CNTNAP3: variants seen among roughly 807,000 people sequenced by gnomAD.
The protein encoded by CNTNAP3 is contactin associated protein family member 3.
In CNTNAP3, 36 loss-of-function variants were observed where a neutral mutation model predicts 92.1. That is an observed-to-expected ratio of 0.39 (90% CI 0.30 to 0.52). The LOEUF is 0.52. CNTNAP3 is among the 20% of genes least tolerant of loss of function. The pLI is 0.76. For missense variants in CNTNAP3, 534 were observed against 1,069.6 expected (o/e 0.50, Z 6.98); for synonymous variants, 232 against 422.3 (o/e 0.55, Z 5.53).
chr9:39,115,002 T>C (rs1319994628), intron 14 of CNTNAP3, among the ~76,000 whole-genome samples: 1 of 151,174 alleles, frequency 6.6e-6, no homozygotes, highest in East Asian at 1.9e-4. Flanking sequence ...ATCATTATAG[T>C]GCCTTTTAAA....
In CNTNAP3 at chr9:39,086,807, G is replaced by A; in HGVS notation, c.3263C>T (p.Pro1088Leu). 3.7e-6 allele frequency: 6 copies of A among 1,610,100 alleles called. No homozygotes were observed. The highest frequency in any genetic ancestry group is 5.1e-6 in the Non-Finnish European group (6 of 1,179,246). ...TTTAAAATCAAAGGTAAATGCATCAGGATTTTGATGTCTATCTAGCTTGTA... is the reference window on the plus strand; with the variant it reads ...TTTAAAATCAAAGGTAAATGCATCAAGATTTTGATGTCTATCTAGCTTGTA... ...IRYKLDRHQN[P>L]DAFTFDFKNM... The change falls in exon 20 of 24, where the codon CCT becomes CTT. Residue 1088 changes from proline (P) to leucine (L), a missense_variant. By Grantham distance (98) the Pro-to-Leu change is moderately conservative (BLOSUM62 -3). Coordinates refer to ENST00000297668, the MANE Select transcript of CNTNAP3 (RefSeq NM_033655.5).
intron 11 of CNTNAP3, among the ~76,000 whole-genome samples, chr9:39,142,990 G>A (rs1398544976): frequency 6.6e-6 from 1 of 151,960 alleles, no homozygotes; most frequent in Non-Finnish European, 1.5e-5. Context: ...CTGTTTCCTT[G>A]AAGACCCAGG....
intron 13 of CNTNAP3, among the ~76,000 whole-genome samples, chr9:39,123,091 A>AT (rs773238134): frequency 0.046 from 5,984 of 129,772 alleles, 384 homozygotes; most frequent in African/African-American, 0.13. Flanking sequence ...TTGGACAATA[A>AT]TTTTTTTTTT....
intron 14 of CNTNAP3, among the ~76,000 whole-genome samples, chr9:39,116,394 T>A (rs935294559): frequency 2.6e-5 from 4 of 151,652 alleles, no homozygotes; most frequent in African/African-American, 7.3e-5. Context: ...TCTAGGATTG[T>A]TAAAGATGTC....
chr9:39,079,229 T>C (rs1324192602), intron 21 of CNTNAP3, among the ~76,000 whole-genome samples: 2 of 152,116 alleles, frequency 1.3e-5, no homozygotes, highest in Non-Finnish European at 2.9e-5. Context: ...TCCTCTGCCA[T>C]TTAATTTTTA....
intron 18 of CNTNAP3, among the ~76,000 whole-genome samples, chr9:39,096,964 T>C (rs2118462983): frequency 6.6e-6 from 1 of 151,836 alleles, no homozygotes; most frequent in South Asian, 2.1e-4. Flanking sequence ...TATTTTTTTC[T>C]GATCCTTTCT....
intron 18 of CNTNAP3, among the ~76,000 whole-genome samples, chr9:39,090,758 T>G (rs1208789261): frequency 6.6e-6 from 1 of 152,040 alleles, no homozygotes; most frequent in Non-Finnish European, 1.5e-5. Flanking sequence ...TGATTGAAAC[T>G]GTACTGAATC....
In CNTNAP3 at chr9:39,066,480, A is replaced by AT. The variant is rs1825512360; in HGVS notation, c.*7409dup. On this transcript the variant is annotated 3_prime_UTR_variant, in exon 24 of 24. Coordinates refer to ENST00000297668, the MANE Select transcript of CNTNAP3 (RefSeq NM_033655.5). ...GATCCATGTTTCTATCTGCACAAAG[A>AT]TATTATTCTTTATTTTCCTTCTTCC... is the stretch of plus-strand genomic sequence containing the variant. Among the ~76,000 whole-genome samples, 1 of 152,192 alleles carries AT rather than the reference A, an allele frequency of 6.6e-6. No individual in the cohort carries two copies. The highest frequency in any genetic ancestry group is 6.5e-5 in the Admixed American group (1 of 15,272).
chr9:39,087,481 AT>A lies in CNTNAP3; in HGVS notation c.3221-633del, dbSNP rs201409748. Among the ~76,000 whole-genome samples, 388 of 111,258 alleles carry A rather than the reference AT, an allele frequency of 3.5e-3. 2 individuals carry two copies. Among genetic ancestry groups the A allele is most frequent in the Non-Finnish European group, 4.4e-3 (225 of 51,398 alleles). The allele number at this position is 111,258 out of a possible 152,430, so 73.0% of individuals were successfully genotyped here. ...TATACTAAGATCCTGTTAATCGGAG[AT>A]TTTTTTTTTTGTTTGTTTGTTTGAG... On this transcript the variant is annotated intron_variant, in intron 19 of 23. Transcript: ENST00000297668.
rs1368818101 is a variant in CNTNAP3, at chr9:39,085,291, G to C, written c.3442+445C>G. ...AAACAACAGGCAAAGCAGGGCTTGAGAGAAAAATAAAACTGTATTCATCTG... is the reference window on the plus strand; with the variant it reads ...AAACAACAGGCAAAGCAGGGCTTGACAGAAAAATAAAACTGTATTCATCTG... On this transcript the variant is annotated intron_variant, in intron 21 of 23. Transcript: ENST00000297668. 1.8e-5 allele frequency: 3 copies of C among 164,264 alleles called. 1 individual carries two copies. The highest frequency in any genetic ancestry group is 3.8e-5 in the Non-Finnish European group (3 of 78,586). The allele number at this position is 164,264 out of a possible 1,614,324, so 10.2% of individuals were successfully genotyped here. A position where few individuals can be genotyped will look rare whatever the true frequency, so the allele number is the denominator to read the frequency against.
At chr9:39,077,959 A>G (rs1825822624) in intron 23 of CNTNAP3, among the ~76,000 whole-genome samples, 1 of 152,158 alleles carries the variant, frequency 6.6e-6, no homozygotes, top group Non-Finnish European at 1.5e-5. Flanking sequence ...TGATCTCAGC[A>G]CTTTGGGAGG....
chr9:39,071,341 G>C lies in CNTNAP3; in HGVS notation c.*2549C>G, dbSNP rs1825632315. Among the ~76,000 whole-genome samples the C allele has an allele frequency of 6.6e-6, 1 of 151,482 alleles. No individual in the cohort carries two copies. The highest frequency in any genetic ancestry group is 6.6e-5 in the Admixed American group (1 of 15,222). ...TTTTAGTAAACAATGAAGATTTACA[G>C]TGATTTCCTAAGGTGAATTTGGACA... On this transcript the variant is annotated 3_prime_UTR_variant, in exon 24 of 24. Transcript: ENST00000297668.
chr9:39,284,430 C>T (rs1425686736), intron 1 of CNTNAP3, among the ~76,000 whole-genome samples: 1 of 53,264 alleles, frequency 1.9e-5, no homozygotes, highest in African/African-American at 4.2e-5. Context: ...CTAAGCTGAA[C>T]TGAATGACCT....
At chr9:39,280,748 T>TTCATGTTATAATTATAATTA (rs1379231639) in intron 1 of CNTNAP3, among the ~76,000 whole-genome samples, 1 of 51,056 alleles carries the variant, frequency 2.0e-5, no homozygotes. Flanking sequence ...TATAATTATA[T>TTCATGTTATAATTATAATTA]TCATGAAGAA....
At chr9:39,118,807 G>C (rs1415259034) in intron 13 of CNTNAP3, among the ~76,000 whole-genome samples, 3 of 152,242 alleles carry the variant, frequency 2.0e-5, no homozygotes. Flanking sequence ...GTTAAGGAAT[G>C]ACATTGATAG....
rs1165443446 is a variant in CNTNAP3 at position 39,138,073 on chromosome 9, T to TTGC, written c.1876+2445_1876+2446insGCA. On this transcript the variant is annotated intron_variant, in intron 12 of 23. Transcript: ENST00000297668. ...CTGTTTTTTGTTGTTGTTGTTGTTG[T>TTGC]AGAGGTGGGGGTCTCACTGTGTTGC... 1.8e-4 allele frequency among the ~76,000 whole-genome samples: 25 copies of TTGC among 142,428 alleles called. 1 individual carries two copies. Among genetic ancestry groups the TTGC allele is most frequent in the Middle Eastern group, 3.6e-3 (1 of 280 alleles). The allele number at this position is 142,428 out of a possible 152,430, so 93.4% of individuals were successfully genotyped here.
chr9:39,140,691 G>C, intron 11 of CNTNAP3, 53 bp from the exon 12 acceptor site: 1 of 1,539,084 alleles, frequency 6.5e-7, no homozygotes, highest in South Asian at 1.3e-5. Context: ...CAGATGTTGA[G>C]TCAGTGTCCA....
intron 10 of CNTNAP3, among the ~76,000 whole-genome samples, chr9:39,148,777 G>A (rs1036037963): frequency 3.3e-5 from 5 of 152,058 alleles, no homozygotes; most frequent in African/African-American, 7.2e-5. Context: ...CGCTCTCCTC[G>A]GCCTCCCAAA....
intron 13 of CNTNAP3, among the ~76,000 whole-genome samples, chr9:39,121,681 G>C (rs542701178): frequency 3.3e-5 from 5 of 152,220 alleles, no homozygotes; most frequent in South Asian, 2.1e-4. Context: ...CTCCTAGAGT[G>C]GGGGATAGGC....
Sources: gnomAD v4.1 joint callset for allele counts (sites outside exome capture counted in the v4.1 genomes callset) on GRCh38, gnomAD v4.1.1 for gene constraint, MANE v1.5 for transcripts, NCBI Gene and HGNC (gene_info 2026-07-23, HGNC 2026-07-21) for gene names.